CCDC57: variants seen among roughly 807,000 people sequenced by gnomAD.
The protein encoded by CCDC57 is coiled-coil domain-containing protein 57.
Under a neutral mutation model 118.9 loss-of-function variants are expected in CCDC57, and 118 were observed. That is an observed-to-expected ratio of 0.99 (90% CI 0.86 to 1.16). CCDC57 has a LOEUF of 1.16. CCDC57 is among the 50% of genes most tolerant of loss of function. The pLI is 0.00. For synonymous variants in CCDC57, 527 were observed against 532.9 expected (o/e 0.99, Z 0.15); for missense variants, 1,300 against 1,320.7 (o/e 0.98, Z 0.24).
intron 16 of CCDC57, among the ~76,000 whole-genome samples, chr17:82,136,321 G>A (rs1190508426): frequency 2.6e-5 from 4 of 152,178 alleles, no homozygotes; most frequent in Non-Finnish European, 5.9e-5. Flanking sequence ...AGGGAAAGAA[G>A]CCAGGCACAA....
In CCDC57 at chr17:82,205,346, G is replaced by A. The variant is rs549018632; in HGVS notation, c.-9+2501C>T. Among the ~76,000 whole-genome samples, 196 of 152,280 alleles carry A rather than the reference G, an allele frequency of 1.3e-3. 2 individuals are homozygous for A. Among genetic ancestry groups the A allele is most frequent in the African/African-American group, 4.4e-3 (182 of 41,550 alleles). ...ACTGGGCTTGCCTCCTTAACTCATT[G>A]GTCGCAGCCACCCATGGGGGTTGCC... On this transcript the variant is annotated intron_variant, in intron 2 of 19. Transcript: ENST00000665763.
rs1466741377 is a variant in CCDC57, at chr17:82,160,677, C to T, written c.2040+2523G>A. Among the ~76,000 whole-genome samples the T allele has an allele frequency of 2.0e-5, 3 of 152,048 alleles. No homozygotes were observed. In the East Asian group the frequency reaches 5.8e-4, roughly 29 times the overall value. On this transcript the variant is annotated intron_variant, in intron 14 of 19. Coordinates refer to ENST00000665763, the Ensembl canonical transcript of CCDC57. ...ATCACCTGAGGTGAGGAGTTCGATA[C>T]CAGCCTGGCCAACATGGTAAAACCC...
chr17:82,173,060 C>A (rs1046395123), intron 11 of CCDC57, among the ~76,000 whole-genome samples, 200 bp from the exon 11 acceptor site: 1 of 152,048 alleles, frequency 6.6e-6, no homozygotes, highest in Admixed American at 6.6e-5. Context: ...ATTCCTGGAG[C>A]CTTTCATACT....
chr17:82,173,430 C>A (rs1196512571), intron 11 of CCDC57, among the ~76,000 whole-genome samples: 4 of 151,994 alleles, frequency 2.6e-5, no homozygotes, highest in Non-Finnish European at 5.9e-5. Flanking sequence ...AGGAAAGGTG[C>A]CAAAGAAGAA....
At chr17:82,110,977 GAAA>G in intron 19 of CCDC57, among the ~76,000 whole-genome samples, 1 of 124,112 alleles carries the variant, frequency 8.1e-6, no homozygotes, top group Non-Finnish European at 1.8e-5. Context: ...GTGAGCCAAA[GAAA>G]AAAAAAAAGA....
At chr17:82,136,981 A>C (rs1022135634) in intron 16 of CCDC57, among the ~76,000 whole-genome samples, 3 of 150,834 alleles carry the variant, frequency 2.0e-5, no homozygotes, top group Non-Finnish European at 2.9e-5. Context: ...AAGTTAGCCC[A>C]ATTTTGATGG....
At chr17:82,135,013 A>C (rs376141587) in intron 16 of CCDC57, 1 of 152,208 alleles carries the variant, frequency 6.6e-6, no homozygotes. Flanking sequence ...CAGGATTACA[A>C]ATCAGTTTCG....
At chr17:82,153,598 C>T (rs1260181886) in intron 15 of CCDC57, 2 of 152,240 alleles carry the variant, frequency 1.3e-5, no homozygotes, top group African/African-American at 2.4e-5. Flanking sequence ...CTACTTCTCT[C>T]GGATTCAGTT....
At chr17:82,211,010 GA>G (rs60817301) in intron 1 of CCDC57, among the ~76,000 whole-genome samples, 88,158 of 126,144 alleles carry the variant, frequency 0.7, 29,351 homozygotes, top group East Asian at 0.88. Flanking sequence ...AAAAAAAAAA[GA>G]AAAAAAAAAA....
At chr17:82,134,083 A>G (rs2038823011) in exon 17 of CCDC57, 1 of 1,414,240 alleles carries the variant, frequency 7.1e-7, no homozygotes, top group East Asian at 3.0e-5. Flanking sequence ...CTGAGATGTA[A>G]AATGGGGCTG....
chr17:82,115,439 G>A (rs1044033776), intron 19 of CCDC57, among the ~76,000 whole-genome samples: 15 of 152,088 alleles, frequency 9.9e-5, no homozygotes, highest in African/African-American at 3.1e-4. Flanking sequence ...AAAATTAACC[G>A]AGTTAGCAGC....
intron 4 of CCDC57, among the ~76,000 whole-genome samples, chr17:82,195,848 C>G (rs763288777): frequency 5.9e-5 from 9 of 151,942 alleles, no homozygotes; most frequent in Non-Finnish European, 1.2e-4. Context: ...CACACAGGAT[C>G]GGACTACCCA....
exon 19 of CCDC57, chr17:82,127,756 C>A (rs757556785): frequency 6.2e-7 from 1 of 1,612,444 alleles, no homozygotes; most frequent in African/African-American, 1.3e-5. Flanking sequence ...GCAACCTCCA[C>A]ATGTCCTGGA....
chr17:82,162,527 C>T (rs953186034), intron 14 of CCDC57, among the ~76,000 whole-genome samples: 62 of 152,236 alleles, frequency 4.1e-4, no homozygotes, highest in African/African-American at 1.4e-3. Context: ...TGTGGCTCAA[C>T]ACTGACATGG....
chr17:82,107,500 G>A lies in CCDC57; in HGVS notation c.2900-5634C>T, dbSNP rs755069715. The A allele has an allele frequency of 1.4e-4, 67 of 470,714 alleles. 1 individual carries two copies. Among genetic ancestry groups the A allele is most frequent in the East Asian group, 4.9e-4 (7 of 14,388 alleles). The allele number at this position is 470,714 out of a possible 1,614,324, so 29.2% of individuals were successfully genotyped here. On this transcript the variant is annotated intron_variant, in intron 19 of 19. Transcript: ENST00000665763. ...CGAGGTTAGCATCAGGGGCCAAAGC[G>A]GACCCCCGCCAGAAAGGAGGAAGAG... is the stretch of plus-strand genomic sequence containing the variant.
chr17:82,115,741 C>T (rs946893952), intron 19 of CCDC57, among the ~76,000 whole-genome samples: 13 of 150,430 alleles, frequency 8.6e-5, no homozygotes, highest in African/African-American at 2.4e-4. Context: ...GCACTCCAGC[C>T]GGGGCGACAG....
exon 17 of CCDC57, chr17:82,134,193 C>T: frequency 7.6e-7 from 1 of 1,317,236 alleles, no homozygotes; most frequent in Non-Finnish European, 9.7e-7. Context: ...GCAACAGCCA[C>T]CCTGGGAATG....
intron 13 of CCDC57, among the ~76,000 whole-genome samples, chr17:82,164,395 C>T (rs570835106): frequency 2.0e-5 from 3 of 151,384 alleles, no homozygotes; most frequent in Non-Finnish European, 4.4e-5. Flanking sequence ...AAAACAAAAA[C>T]AAACAAACAA....
intron 2 of CCDC57, among the ~76,000 whole-genome samples, chr17:82,204,410 A>G (rs1327407637): frequency 6.6e-6 from 1 of 152,178 alleles, no homozygotes; most frequent in Non-Finnish European, 1.5e-5. Flanking sequence ...CGGCCACCAC[A>G]GTGTCTTACC....
Sources: allele counts gnomAD v4.1 joint callset (sites outside exome capture counted in the v4.1 genomes callset), GRCh38; gene constraint gnomAD v4.1.1; transcripts MANE v1.5; gene names NCBI Gene and HGNC (gene_info 2026-07-23, HGNC 2026-07-21).